PLCB4: variants seen among roughly 807,000 people sequenced by gnomAD.
PLCB4 encodes the protein phospholipase C beta 4, also known as 1-phosphatidylinositol 4,5-bisphosphate phosphodiesterase beta-4.
PLCB4 carries 77 observed loss-of-function variants against 178.8 expected under a neutral mutation model. The ratio of observed to expected loss-of-function variants is 0.43; its 90% CI spans 0.36 to 0.52. The LOEUF (loss-of-function observed/expected upper bound fraction) is 0.52. Among genes scored for constraint, PLCB4 ranks in the 20% least tolerant of loss-of-function variants. The pLI, the probability that PLCB4 is intolerant of heterozygous loss-of-function variation, is 0.00. For synonymous variants in PLCB4, 496 were observed against 490.8 expected (o/e 1.01, Z -0.14); for missense variants, 1,024 against 1,453.4 (o/e 0.70, Z 4.80).
At chr20:9,388,863 AT>A (rs1429570737) in intron 15 of PLCB4, among the ~76,000 whole-genome samples, 1 of 152,196 alleles carries the variant, frequency 6.6e-6, no homozygotes, top group East Asian at 1.9e-4. Context: ...GAAGCCATGA[AT>A]TTGCATAGCC....
At chr20:9,428,673 A>G (rs538670573) in intron 28 of PLCB4, among the ~76,000 whole-genome samples, 2 of 152,278 alleles carry the variant, frequency 1.3e-5, no homozygotes, top group South Asian at 4.1e-4. Context: ...TGATAGGGGA[A>G]AAGGATTTTT....
chr20:9,396,951 G>A (rs545209824), intron 19 of PLCB4, among the ~76,000 whole-genome samples: 1 of 152,312 alleles, frequency 6.6e-6, no homozygotes, highest in East Asian at 1.9e-4. Flanking sequence ...AGATTGGGTT[G>A]GCTGTGGTAA....
rs567488882 is a variant in PLCB4 at position 9,480,552 on chromosome 20, G to C, written c.*1543G>C. 2 of 152,168 alleles carry C rather than the reference G, an allele frequency of 1.3e-5. No homozygotes were observed. The highest frequency in any genetic ancestry group is 4.8e-5 in the African/African-American group (2 of 41,390). 9.4% of individuals were successfully genotyped at this position (152,168 alleles called of 1,614,324 possible). A position where few individuals can be genotyped will look rare whatever the true frequency, so the allele number is the denominator to read the frequency against. On this transcript the variant is annotated 3_prime_UTR_variant, in exon 40 of 40. Transcript: ENST00000378473. Reference sequence around the variant, plus strand: ...CCTTTTTCATATACATGATATCATCGTTATTTTCAAAGGGGGCTTATTAAT... The same window carrying C: ...CCTTTTTCATATACATGATATCATCCTTATTTTCAAAGGGGGCTTATTAAT...
At chr20:9,190,393 T>C (rs571186731) in intron 2 of PLCB4, among the ~76,000 whole-genome samples, 6 of 152,252 alleles carry the variant, frequency 3.9e-5, no homozygotes, top group Non-Finnish European at 8.8e-5. Flanking sequence ...CACACTTCTC[T>C]CTCCTGCCAC....
intron 27 of PLCB4, 134 bp from the exon 28 acceptor site, chr20:9,423,614 G>A: frequency 1.5e-6 from 1 of 677,184 alleles, no homozygotes; most frequent in Non-Finnish European, 2.6e-6. Flanking sequence ...TTTGGGGAAT[G>A]CAGATGGATC....
chr20:9,166,794 G>C (rs1234163062), intron 2 of PLCB4: 1 of 152,104 alleles, frequency 6.6e-6, no homozygotes. Flanking sequence ...GTTTGTAGAG[G>C]GCTATCACGG....
intron 1 of PLCB4, among the ~76,000 whole-genome samples, chr20:9,080,611 TTAC>T (rs2090097364): frequency 6.6e-6 from 1 of 152,212 alleles, no homozygotes; most frequent in South Asian, 2.1e-4. Context: ...TACCTCTTCA[TTAC>T]TTAGCCCTTA....
At chr20:9,408,319 T>A (rs866860211) in intron 22 of PLCB4, among the ~76,000 whole-genome samples, 1 of 152,192 alleles carries the variant, frequency 6.6e-6, no homozygotes, top group Admixed American at 6.5e-5. Context: ...TGTTCCCAAG[T>A]GCATTCACAA....
At chr20:9,205,266 C>T (rs2093602240) in intron 2 of PLCB4, among the ~76,000 whole-genome samples, 1 of 152,114 alleles carries the variant, frequency 6.6e-6, no homozygotes, top group South Asian at 2.1e-4. Flanking sequence ...GATTTTGCTC[C>T]ACTGTAGGCC....
At position 9,069,557 on chromosome 20, in the gene PLCB4, C is replaced by T. The variant is rs763597956; in HGVS notation, c.-135+351C>T. 1.1e-4 allele frequency among the ~76,000 whole-genome samples: 16 copies of T among 152,184 alleles called. 1 individual carries two copies. The highest frequency in any genetic ancestry group is 5.2e-4 in the Admixed American group (8 of 15,284). On this transcript the variant is annotated intron_variant, in intron 1 of 39. Coordinates refer to ENST00000378473, the MANE Select transcript of PLCB4 (RefSeq NM_001377142.1). ...CATGTAAATGTGTATGCGTGTGGATCTTCTTGCCTCTTCTGGGGAAATCAT... is the reference window on the plus strand; with the variant it reads ...CATGTAAATGTGTATGCGTGTGGATTTTCTTGCCTCTTCTGGGGAAATCAT...
intron 2 of PLCB4, among the ~76,000 whole-genome samples, chr20:9,163,438 A>T (rs1004054338): frequency 2.6e-5 from 4 of 152,140 alleles, no homozygotes; most frequent in African/African-American, 9.7e-5. Flanking sequence ...CAAAATCCCT[A>T]ATTGGGAACA....
At chr20:9,203,054 AAAATATAT>A (rs1228194607) in intron 2 of PLCB4, among the ~76,000 whole-genome samples, 10 of 127,448 alleles carry the variant, frequency 7.8e-5, no homozygotes, top group Admixed American at 1.6e-4. Context: ...AAAAAAAAAA[AAAATATAT>A]ATATATATAT....
At chr20:9,134,154 G>T (rs1278892880) in intron 2 of PLCB4, among the ~76,000 whole-genome samples, 1 of 152,146 alleles carries the variant, frequency 6.6e-6, no homozygotes, top group Non-Finnish European at 1.5e-5. Flanking sequence ...TTGGTGTCCA[G>T]CCCCAAGAGC....
chr20:9,217,805 T>C (rs987237659), intron 3 of PLCB4, among the ~76,000 whole-genome samples: 1 of 152,232 alleles, frequency 6.6e-6, no homozygotes, highest in African/African-American at 2.4e-5. Context: ...TTTTCAGTCC[T>C]GTGCAGATTT....
At chr20:9,358,073 C>T (rs1039014608) in intron 7 of PLCB4, among the ~76,000 whole-genome samples, 6 of 152,144 alleles carry the variant, frequency 3.9e-5, no homozygotes, top group African/African-American at 1.2e-4. Flanking sequence ...TCTTGGGGCC[C>T]TTTGAGTAGT....
At chr20:9,372,147 G>A (rs2036302483) in intron 10 of PLCB4, among the ~76,000 whole-genome samples, 156 bp from the exon 11 acceptor site, 1 of 152,208 alleles carries the variant, frequency 6.6e-6, no homozygotes, top group Non-Finnish European at 1.5e-5. Context: ...TGGCCTGGCA[G>A]TGCCTGGAAG....
intron 3 of PLCB4, among the ~76,000 whole-genome samples, chr20:9,261,475 A>G (rs546375104): frequency 1.3e-5 from 2 of 152,282 alleles, no homozygotes; most frequent in African/African-American, 4.8e-5. Flanking sequence ...TGTTTTTCTC[A>G]TAGAATATTG....
intron 3 of PLCB4, among the ~76,000 whole-genome samples, chr20:9,235,412 C>T (rs989330599): frequency 1.3e-5 from 2 of 152,126 alleles, no homozygotes; most frequent in Non-Finnish European, 2.9e-5. Context: ...TGTATTGATC[C>T]ATAGTATTAT....
At chr20:9,460,477 A>G (rs2206387) in intron 35 of PLCB4, among the ~76,000 whole-genome samples, 17,605 of 152,228 alleles carry the variant, frequency 0.12, 1,338 homozygotes, top group East Asian at 0.3. Flanking sequence ...TGAAAAGATA[A>G]GCCTGATTAA....
Sources: gnomAD v4.1 joint callset for allele counts (sites outside exome capture counted in the v4.1 genomes callset) on GRCh38, gnomAD v4.1.1 for gene constraint, MANE v1.5 for transcripts, NCBI Gene and HGNC (gene_info 2026-07-23, HGNC 2026-07-21) for gene names.